Variants in SHLD2 observed in about 807,000 individuals in gnomAD.
The protein encoded by SHLD2 is shieldin complex subunit 2.
A neutral mutation model predicts 73.2 loss-of-function variants in SHLD2; 30 were observed. That is an observed-to-expected ratio of 0.41 (90% confidence interval 0.31 to 0.56). SHLD2 has a LOEUF of 0.56. SHLD2 is among the 20% of genes least tolerant of loss of function. The probability of loss-of-function intolerance (pLI) is 0.28; values close to 1 mark genes in which losing one functional copy is unlikely to be tolerated. For missense variants in SHLD2, 745 were observed against 1,055.9 expected, an observed-to-expected ratio of 0.71 and a Z score of 4.08; for synonymous variants, 285 against 370.1, an observed-to-expected ratio of 0.77 and a Z score of 2.64.
upstream of SHLD2, chr10:87,094,512 C>T: frequency 6.2e-7 from 1 of 1,613,278 alleles, no homozygotes; most frequent in Non-Finnish European, 8.5e-7. This position sits in a 1 kb window ranked among gnomAD's most constrained non-coding sequence, Gnocchi z 6.6. Flanking sequence ...TCAGGTCCTC[C>T]ACCAGCTTGT....
intron 2 of SHLD2, among the ~76,000 whole-genome samples, chr10:87,109,482 A>G (rs537793302): frequency 6.6e-6 from 1 of 152,118 alleles, no homozygotes; most frequent in Admixed American, 6.6e-5. Context: ...TGTTTTTGGT[A>G]GAGACAGTGT....
chr10:87,150,590 G>A (rs1399298268), intron 2 of SHLD2, among the ~76,000 whole-genome samples: 11 of 151,038 alleles, frequency 7.3e-5, no homozygotes, highest in African/African-American at 2.7e-4. Context: ...GTGAAACCCC[G>A]TCTCTACTAA....
intron 4 of SHLD2, among the ~76,000 whole-genome samples, chr10:87,164,602 A>T (rs1044655793): frequency 8.5e-5 from 13 of 152,144 alleles, no homozygotes; most frequent in Non-Finnish European, 1.9e-4. Flanking sequence ...GTGGTTGATT[A>T]CAGGACTGGG....
intron 2 of SHLD2, among the ~76,000 whole-genome samples, chr10:87,130,145 A>T (rs1028389284): frequency 3.3e-5 from 5 of 152,000 alleles, no homozygotes; most frequent in African/African-American, 9.7e-5. Flanking sequence ...ATTTGCAGTT[A>T]TGCCTCTAAA....
At chr10:87,182,820 T>C (rs1206161720) in intron 8 of SHLD2, among the ~76,000 whole-genome samples, 1 of 150,190 alleles carries the variant, frequency 6.7e-6, no homozygotes, top group Non-Finnish European at 1.5e-5. Context: ...TTCGTATGGC[T>C]GGCAAGTTGA....
At chr10:87,178,877 T>C (rs1311498020) in intron 7 of SHLD2, among the ~76,000 whole-genome samples, 3 of 152,194 alleles carry the variant, frequency 2.0e-5, no homozygotes, top group African/African-American at 4.8e-5. Context: ...AAACCATCTT[T>C]GGGCATTGAA....
intron 4 of SHLD2, among the ~76,000 whole-genome samples, chr10:87,168,464 T>C (rs1028520304): frequency 3.3e-5 from 5 of 151,598 alleles, no homozygotes; most frequent in African/African-American, 1.2e-4. Flanking sequence ...CTAGGTGTGG[T>C]GGTGCACACC....
chr10:87,163,941 C>A (rs1847002993), intron 4 of SHLD2, among the ~76,000 whole-genome samples: 1 of 100,488 alleles, frequency 1.0e-5, no homozygotes, highest in Non-Finnish European at 2.2e-5. Flanking sequence ...TAAACATTTT[C>A]TTTTCTTTTC....
chr10:87,126,178 G>A (rs1385670897), intron 2 of SHLD2, among the ~76,000 whole-genome samples: 1 of 152,054 alleles, frequency 6.6e-6, no homozygotes, highest in Non-Finnish European at 1.5e-5. Flanking sequence ...TTCTGGGCTC[G>A]TGTGGTCCTC....
chr10:87,169,318 G>A (rs1847422347), intron 4 of SHLD2, among the ~76,000 whole-genome samples: 2 of 152,158 alleles, frequency 1.3e-5, no homozygotes, highest in African/African-American at 4.8e-5. Context: ...ACTCAGTCTG[G>A]TAGTATTACG....
chr10:87,168,918 A>G (rs1589629618), intron 4 of SHLD2, among the ~76,000 whole-genome samples: 1 of 152,194 alleles, frequency 6.6e-6, no homozygotes, highest in Non-Finnish European at 1.5e-5. Flanking sequence ...AATCTAAAGT[A>G]AAAGTTGAAA....
chr10:87,177,115 G>A (rs941458963), intron 7 of SHLD2, among the ~76,000 whole-genome samples: 3 of 151,326 alleles, frequency 2.0e-5, no homozygotes, highest in African/African-American at 7.3e-5. Context: ...TGCCCCTCCC[G>A]TGCTCTGCTT....
chr10:87,122,903 G>C (rs1589476803), intron 2 of SHLD2, among the ~76,000 whole-genome samples: 1 of 151,996 alleles, frequency 6.6e-6, no homozygotes, highest in African/African-American at 2.4e-5. Flanking sequence ...TCAGCCTCCC[G>C]AGTAGCTGGG....
At chr10:87,112,495 G>A (rs1031371930) in intron 2 of SHLD2, among the ~76,000 whole-genome samples, 48 of 152,112 alleles carry the variant, frequency 3.2e-4, no homozygotes, top group African/African-American at 1.1e-3. Context: ...GGAGATAGGC[G>A]TGGTGGTTTG....
At chr10:87,139,586 G>A (rs188450494) in intron 2 of SHLD2, among the ~76,000 whole-genome samples, 7 of 152,158 alleles carry the variant, frequency 4.6e-5, no homozygotes, top group African/African-American at 1.4e-4. Context: ...AAAGACACAA[G>A]CCAGATATGG....
At chr10:87,170,421 T>G (rs1847513633) in intron 4 of SHLD2, 57 bp from the exon 5 acceptor site, 1 of 1,186,946 alleles carries the variant, frequency 8.4e-7, no homozygotes, top group African/African-American at 1.5e-5. Context: ...ATATTATTTG[T>G]GAAGAAAAAT....
At chr10:87,171,982 A>G (rs1052739520) in intron 6 of SHLD2, among the ~76,000 whole-genome samples, 3 of 152,344 alleles carry the variant, frequency 2.0e-5, no homozygotes, top group African/African-American at 2.4e-5. Context: ...GTGGAGCCGT[A>G]ACAAAGCAGA....
At position 87,122,173 on chromosome 10, in the gene SHLD2, CAA is replaced by C. The variant is rs10706744; in HGVS notation, c.-6+25204_-6+25205del. On this transcript the variant is annotated intron_variant, in intron 2 of 9. Coordinates refer to ENST00000298786, the MANE Select transcript of SHLD2 (RefSeq NM_001330112.2). ...CATGTTGTCTTTCTCCACTGACTGT[CAA>C]AAAAAAAAAAAAAAAAAAAGGCTAC... is the stretch of plus-strand genomic sequence containing the variant. 6.9e-4 allele frequency among the ~76,000 whole-genome samples: 60 copies of C among 86,404 alleles called. No individual in the cohort carries two copies. The East Asian group carries it at 7.0e-3, about 10-fold the overall frequency. 56.7% of individuals were successfully genotyped at this position (86,404 alleles called of 152,430 possible).
intron 2 of SHLD2, among the ~76,000 whole-genome samples, chr10:87,139,325 A>G (rs1054267818): frequency 5.3e-5 from 8 of 152,288 alleles, no homozygotes; most frequent in Middle Eastern, 3.4e-3. Context: ...TGCCAAAACT[A>G]AACTCTTTTA....
Sources: allele counts gnomAD v4.1 joint callset (sites outside exome capture counted in the v4.1 genomes callset), GRCh38; gene constraint gnomAD v4.1.1; non-coding constraint Gnocchi (gnomAD v3.1); transcripts MANE v1.5; gene names NCBI Gene and HGNC (gene_info 2026-07-23, HGNC 2026-07-21).